DNAJC1: variants seen among roughly 807,000 people sequenced by gnomAD.
DNAJC1 encodes dnaJ homolog subfamily C member 1.
DNAJC1 carries 58 observed loss-of-function variants against 76.6 expected under a neutral mutation model. The observed-to-expected ratio is 0.76, with a 90% CI of 0.61 to 0.94. The LOEUF is 0.94. Among genes scored for constraint, DNAJC1 ranks in the 40% least tolerant of loss-of-function variants. The pLI, the probability that DNAJC1 is intolerant of heterozygous loss-of-function variation, is 0.00. For synonymous variants in DNAJC1, 258 were observed against 267.9 expected, an observed-to-expected ratio of 0.96 and a Z score of 0.36; for missense variants, 689 against 677.3, an observed-to-expected ratio of 1.02 and a Z score of -0.19.
At chr10:21,824,254 C>T (rs1033072348) in intron 8 of DNAJC1, among the ~76,000 whole-genome samples, 5 of 152,234 alleles carry the variant, frequency 3.3e-5, no homozygotes, top group East Asian at 1.9e-4. Context: ...GTATTAAGAG[C>T]GGCTGTCATA....
chr10:21,819,004 G>A (rs1835116550), intron 8 of DNAJC1, among the ~76,000 whole-genome samples: 1 of 152,140 alleles, frequency 6.6e-6, no homozygotes, highest in South Asian at 2.1e-4. Context: ...TACTACTTGG[G>A]ATAAAGCAAA....
chr10:21,772,866 T>C (rs1272136362), intron 9 of DNAJC1, among the ~76,000 whole-genome samples: 1 of 152,178 alleles, frequency 6.6e-6, no homozygotes, highest in Admixed American at 6.5e-5. Context: ...CAGCATCTGC[T>C]TGGCTTCTGG....
intron 6 of DNAJC1, among the ~76,000 whole-genome samples, chr10:21,908,798 A>G (rs911739683): frequency 1.3e-5 from 2 of 152,160 alleles, no homozygotes; most frequent in African/African-American, 2.4e-5. Context: ...AAGAACTCCT[A>G]TTCTCAAGGA....
At chr10:21,821,522 A>C (rs1253751124) in intron 8 of DNAJC1, among the ~76,000 whole-genome samples, 1 of 152,196 alleles carries the variant, frequency 6.6e-6, no homozygotes, top group African/African-American at 2.4e-5. Flanking sequence ...TTTGAGGAAA[A>C]ATAGAAGAAC....
rs562568439 is a variant in DNAJC1 at position 21,959,255 on chromosome 10, G to A, written c.223-30114C>T. Among the ~76,000 whole-genome samples the A allele has an allele frequency of 9.9e-5, 15 of 152,040 alleles. No individual in the cohort carries two copies. In the East Asian group the frequency reaches 2.7e-3, roughly 28 times the overall value. On this transcript the variant is annotated intron_variant, in intron 1 of 11. Coordinates refer to ENST00000376980, the MANE Select transcript of DNAJC1 (RefSeq NM_022365.4). ...TTCTCTTGCCTTAGCCTCCTGAGTA[G>A]CTGGGATTACAGGTGTCTGCCACCA... is the stretch of plus-strand genomic sequence containing the variant.
Position 22,003,417 on chromosome 10 carries a change from G to A in DNAJC1, c.18C>T (p.Ser6=). 1 of 1,367,950 alleles carries A rather than the reference G, an allele frequency of 7.3e-7. No homozygotes were observed. The highest frequency in any genetic ancestry group is 3.7e-5 in the Admixed American group (1 of 26,894). The allele number at this position is 1,367,950 out of a possible 1,614,324, so 84.7% of individuals were successfully genotyped here. A position where few individuals can be genotyped will look rare whatever the true frequency, so the allele number is the denominator to read the frequency against. Residue 6 remains serine, a synonymous_variant, in exon 1 of 12, where the codon TCC becomes TCT. Transcript: ENST00000376980. MTAPC[S]QPAQLPGRRQ... ...GGCGTCCAGGAAGCTGCGCCGGCTG[G>A]GAGCAAGGAGCCGTCATCGCGCTGG...
chr10:21,760,425 C>T (rs1340532503), intron 10 of DNAJC1, among the ~76,000 whole-genome samples: 1 of 152,196 alleles, frequency 6.6e-6, no homozygotes, highest in African/African-American at 2.4e-5. Context: ...AAAGGAAGAA[C>T]TACAGTAGCT....
intron 1 of DNAJC1, among the ~76,000 whole-genome samples, chr10:21,957,754 G>A (rs1171218138): frequency 6.6e-6 from 1 of 152,016 alleles, no homozygotes; most frequent in African/African-American, 2.4e-5. Flanking sequence ...CTTCTTCAAA[G>A]CCTCATTCTC....
At chr10:21,770,395 CTTTTT>C (rs34881959) in intron 9 of DNAJC1, among the ~76,000 whole-genome samples, 4 of 107,568 alleles carry the variant, frequency 3.7e-5, no homozygotes, top group Admixed American at 9.8e-5. Flanking sequence ...TTTTTTTCTT[CTTTTT>C]TTTTTTTTTT....
At chr10:21,943,149 T>G (rs1399606074) in intron 1 of DNAJC1, among the ~76,000 whole-genome samples, 1 of 151,456 alleles carries the variant, frequency 6.6e-6, no homozygotes, top group Non-Finnish European at 1.5e-5. Context: ...CAGAGGAAAA[T>G]GCATGCAGCT....
At chr10:21,991,125 G>A (rs565008530) in intron 1 of DNAJC1, among the ~76,000 whole-genome samples, 141 of 152,154 alleles carry the variant, frequency 9.3e-4, no homozygotes, top group African/African-American at 3.4e-3. Flanking sequence ...CAAAATAGAT[G>A]ACAGGAAAGA....
At chr10:21,882,229 T>A in intron 8 of DNAJC1, 53 bp downstream of exon 8, 1 of 1,495,654 alleles carries the variant, frequency 6.7e-7, no homozygotes, top group Non-Finnish European at 9.0e-7. Flanking sequence ...CTGTATTTTA[T>A]GTGCTTTTCT....
intron 8 of DNAJC1, among the ~76,000 whole-genome samples, chr10:21,827,302 T>C (rs1335353821): frequency 6.6e-6 from 1 of 152,158 alleles, no homozygotes; most frequent in African/African-American, 2.4e-5. Context: ...CCATTGGACA[T>C]TAGGTTTCCA....
intron 1 of DNAJC1, among the ~76,000 whole-genome samples, chr10:22,002,054 C>T (rs1053182356): frequency 6.6e-6 from 1 of 152,108 alleles, no homozygotes; most frequent in African/African-American, 2.4e-5. Flanking sequence ...ACCCTGGCAA[C>T]CCAGCAATTT....
At chr10:21,998,951 G>A (rs1167924882) in intron 1 of DNAJC1, among the ~76,000 whole-genome samples, 2 of 152,142 alleles carry the variant, frequency 1.3e-5, no homozygotes, top group African/African-American at 2.4e-5. Context: ...TAAAAATGAG[G>A]CAACTAACTT....
intron 8 of DNAJC1, among the ~76,000 whole-genome samples, chr10:21,831,949 T>G (rs1484401114): frequency 6.6e-6 from 1 of 152,140 alleles, no homozygotes; most frequent in Non-Finnish European, 1.5e-5. Context: ...TAGATATATA[T>G]ATAAAACTTA....
chr10:21,905,165 G>A (rs866018490), intron 6 of DNAJC1, among the ~76,000 whole-genome samples: 8 of 151,606 alleles, frequency 5.3e-5, no homozygotes, highest in South Asian at 4.2e-4. Flanking sequence ...ATTGAGGACT[G>A]AGGACACATA....
chr10:22,003,230 A>G lies in DNAJC1; in HGVS notation c.205T>C (p.Phe69Leu). The G allele has an allele frequency of 6.4e-7, 1 of 1,560,338 alleles. No individual in the cohort carries two copies. The highest frequency in any genetic ancestry group is 2.6e-5 in the East Asian group (1 of 38,956). ...TTGCTTACCTGCTGCACCCCGAGGA[A>G]CTGGTAGAAGTTGAGCTGCACCTCC... ...VEEVQLNFYQ[F>L]LGVQQDASSA... The change falls in exon 1 of 12, where the codon TTC (phenylalanine) becomes CTC (leucine). Residue 69 changes from phenylalanine (F) to leucine (L), a missense_variant. Physicochemically the swap from Phe to Leu is conservative, Grantham distance 22. Coordinates refer to ENST00000376980, the MANE Select transcript of DNAJC1 (RefSeq NM_022365.4).
intron 9 of DNAJC1, among the ~76,000 whole-genome samples, chr10:21,795,465 CAGG>C (rs1490930079): frequency 6.6e-6 from 1 of 151,422 alleles, no homozygotes; most frequent in Non-Finnish European, 1.5e-5. Flanking sequence ...CCTGAGAGAA[CAGG>C]AGAAGACTAA....
Sources: allele counts gnomAD v4.1 joint callset (sites outside exome capture counted in the v4.1 genomes callset), GRCh38; gene constraint gnomAD v4.1.1; transcripts MANE v1.5; gene names NCBI Gene and HGNC (gene_info 2026-07-23, HGNC 2026-07-21).